QTMAN: variants seen among roughly 807,000 people sequenced by gnomAD.
QTMAN encodes tRNA-queuosine alpha-mannosyltransferase.
At chr2:143,971,337 C>A in the QTMAN span, among the ~76,000 whole-genome samples, 1 of 152,074 alleles carries the variant, frequency 6.6e-6, no homozygotes, top group Admixed American at 6.5e-5. Context: ...ATTATAAATA[C>A]ATCAAAAGGA....
chr2:144,115,053 A>C, the QTMAN span, among the ~76,000 whole-genome samples: 84 of 152,000 alleles, frequency 5.5e-4, no homozygotes, highest in African/African-American at 1.9e-3. Flanking sequence ...ACATTGTGAA[A>C]CCCCCTCTCT....
At chr2:144,014,221 T>G in the QTMAN span, among the ~76,000 whole-genome samples, 1 of 152,180 alleles carries the variant, frequency 6.6e-6, no homozygotes, top group South Asian at 2.1e-4. Context: ...GAAGGATGTT[T>G]CAGTAAGGAA....
chr2:144,183,919 T>C, the QTMAN span, among the ~76,000 whole-genome samples: 22 of 152,152 alleles, frequency 1.4e-4, no homozygotes, highest in Non-Finnish European at 2.9e-4. Context: ...TAGAGCTCAT[T>C]GAAGCTCAAA....
At chr2:144,040,081 T>C in the QTMAN span, among the ~76,000 whole-genome samples, 2 of 152,186 alleles carry the variant, frequency 1.3e-5, no homozygotes, top group Admixed American at 6.5e-5. Flanking sequence ...TTTGCTTCCA[T>C]TGACTGTCTT....
chr2:144,240,063 C>G, the QTMAN span, among the ~76,000 whole-genome samples: 1 of 152,158 alleles, frequency 6.6e-6, no homozygotes, highest in South Asian at 2.1e-4. Context: ...GACTTCTTCC[C>G]TTTGCAAAAT....
At chr2:144,119,785 ACTCTT>A in the QTMAN span, among the ~76,000 whole-genome samples, 77 of 152,066 alleles carry the variant, frequency 5.1e-4, no homozygotes, top group Middle Eastern at 3.4e-3. Context: ...TGCTGTTCAT[ACTCTT>A]CTCTTCTTTT....
At chr2:144,098,485 C>T in the QTMAN span, among the ~76,000 whole-genome samples, 1 of 152,030 alleles carries the variant, frequency 6.6e-6, no homozygotes, top group African/African-American at 2.4e-5. Flanking sequence ...GAGGCCGAGG[C>T]GGGCAGATTG....
At chr2:144,235,057 A>G in the QTMAN span, among the ~76,000 whole-genome samples, 13 of 152,170 alleles carry the variant, frequency 8.5e-5, no homozygotes, top group Non-Finnish European at 1.6e-4. Context: ...CTCGCCTTTT[A>G]TATTTCTTTT....
chr2:143,998,509 T>TA, the QTMAN span, among the ~76,000 whole-genome samples: 250 of 137,490 alleles, frequency 1.8e-3, no homozygotes, highest in African/African-American at 4.0e-3. Flanking sequence ...ACTGACCGAG[T>TA]AAAAAAAAAA....
At chr2:143,946,982 A>T in the QTMAN span, 1 of 1,098,584 alleles carries the variant, frequency 9.1e-7, no homozygotes, top group South Asian at 1.3e-5. Flanking sequence ...GATCAGGTAA[A>T]TATGGGCACA....
At chr2:144,027,189 A>G in the QTMAN span, among the ~76,000 whole-genome samples, 150 of 152,316 alleles carry the variant, frequency 9.8e-4, 1 homozygote, top group Middle Eastern at 0.014. Context: ...CTGATTACCA[A>G]TTACGTTTCC....
At chr2:144,038,667 G>C in the QTMAN span, among the ~76,000 whole-genome samples, 1 of 152,144 alleles carries the variant, frequency 6.6e-6, no homozygotes, top group African/African-American at 2.4e-5. Context: ...CAGCAATCAT[G>C]AAATCTTGTG....
the QTMAN span, among the ~76,000 whole-genome samples, chr2:144,099,972 C>T: frequency 6.6e-6 from 1 of 152,186 alleles, no homozygotes; most frequent in South Asian, 2.1e-4. Flanking sequence ...TTCAGAGTTG[C>T]TTATATCTAA....
chr2:143,970,195 G>A, the QTMAN span, among the ~76,000 whole-genome samples: 1 of 152,096 alleles, frequency 6.6e-6, no homozygotes, highest in Non-Finnish European at 1.5e-5. Flanking sequence ...ATGGACCAAC[G>A]ACAACTATGA....
the QTMAN span, among the ~76,000 whole-genome samples, chr2:144,288,522 T>G: frequency 1.3e-5 from 2 of 152,178 alleles, no homozygotes; most frequent in East Asian, 3.8e-4. Flanking sequence ...TAAAGCACAC[T>G]GGTTCCAGGA....
chr2:144,084,596 T>C, the QTMAN span, among the ~76,000 whole-genome samples: 7 of 152,208 alleles, frequency 4.6e-5, no homozygotes, highest in African/African-American at 1.7e-4. Flanking sequence ...CATCTCCTTC[T>C]CAGATTTTAC....
At chr2:144,182,864 A>ATATATTT in the QTMAN span, among the ~76,000 whole-genome samples, 47 of 72,936 alleles carry the variant, frequency 6.4e-4, no homozygotes, top group African/African-American at 2.8e-3. Flanking sequence ...TATATATAAT[A>ATATATTT]TATATATATT....
At chr2:144,307,834 G>C in the QTMAN span, among the ~76,000 whole-genome samples, 1 of 152,022 alleles carries the variant, frequency 6.6e-6, no homozygotes, top group Non-Finnish European at 1.5e-5. Context: ...AGAAATGAAA[G>C]AATAACTAAA....
the QTMAN span, among the ~76,000 whole-genome samples, chr2:144,042,654 C>T: frequency 1.3e-5 from 2 of 151,518 alleles, no homozygotes; most frequent in Non-Finnish European, 2.9e-5. Context: ...ATCCCAGCTA[C>T]TCAGGAGGCT....
Sources: gnomAD v4.1 joint callset for allele counts (sites outside exome capture counted in the v4.1 genomes callset) on GRCh38, gnomAD v4.1.1 for gene constraint, MANE v1.5 for transcripts, NCBI Gene and HGNC (gene_info 2026-07-23, HGNC 2026-07-21) for gene names.